ZNF679: variants seen among roughly 807,000 people sequenced by gnomAD.
ZNF679 encodes the protein hypothetical protein MGC42415.
Under a neutral mutation model 13.4 loss-of-function variants are expected in ZNF679, and 10 were observed. That is an observed-to-expected ratio of 0.75 (90% CI 0.46 to 1.27). The LOEUF (loss-of-function observed/expected upper bound fraction) is 1.27. ZNF679 is among the 50% of genes most tolerant of loss of function. ZNF679 has a pLI of 0.00. For missense variants in ZNF679, 525 were observed against 477.8 expected (o/e 1.10, Z -0.92); for synonymous variants, 179 against 162.5 (o/e 1.10, Z -0.77).
chr7:64,248,198 T>C (rs536458705), intron 1 of ZNF679, among the ~76,000 whole-genome samples: 1 of 152,050 alleles, frequency 6.6e-6, no homozygotes, highest in African/African-American at 2.4e-5. Context: ...AGAGCTCCCT[T>C]ACTATCACAA....
Position 64,233,921 on chromosome 7 carries a change from C to T in ZNF679, c.-91+5269C>T, listed in dbSNP as rs187001244. 2.3e-3 allele frequency among the ~76,000 whole-genome samples: 346 copies of T among 152,040 alleles called. 3 individuals are homozygous for T. The highest frequency in any genetic ancestry group is 3.1e-3 in the Non-Finnish European group (211 of 67,976). On this transcript the variant is annotated intron_variant, in intron 1 of 4. Coordinates refer to ENST00000421025, the MANE Select transcript of ZNF679 (RefSeq NM_153363.3). Reference sequence around the variant, plus strand: ...AAGAACGAAGTAAGCCACTGAGAGACGGGACACTGGAAAAGAGAGAAGAAA... The same window carrying T: ...AAGAACGAAGTAAGCCACTGAGAGATGGGACACTGGAAAAGAGAGAAGAAA...
intron 2 of ZNF679, 39 bp from the exon 3 acceptor site, chr7:64,260,182 G>T (rs1304214727): frequency 6.4e-7 from 1 of 1,565,836 alleles, no homozygotes; most frequent in Non-Finnish European, 8.7e-7. Context: ...GTGTTTGTGT[G>T]TTCATGAGTG....
chr7:64,236,927 A>C (rs1187453448), intron 1 of ZNF679, among the ~76,000 whole-genome samples: 1 of 35,382 alleles, frequency 2.8e-5, no homozygotes, highest in African/African-American at 1.7e-4. Flanking sequence ...AGAAAGAAGA[A>C]AGAAAGAAAG....
chr7:64,242,984 G>A (rs570469702), intron 1 of ZNF679, among the ~76,000 whole-genome samples: 73 of 152,242 alleles, frequency 4.8e-4, no homozygotes, highest in Middle Eastern at 6.8e-3. Context: ...ATGAGAGTCA[G>A]GACCTCACCA....
In ZNF679 at chr7:64,266,842, T is replaced by G; in HGVS notation, c.1209T>G (p.Thr403=). The G allele has an allele frequency of 6.3e-7, 1 of 1,587,208 alleles. No homozygotes were observed. The highest frequency in any genetic ancestry group is 1.8e-5 in the Admixed American group (1 of 55,376). The change falls in exon 5 of 5, where the codon ACT becomes ACG. Residue 403 remains threonine (T), a synonymous_variant. Transcript: ENST00000421025. ...TTGCTAATCATAAGAGTATGCATAC[T>G]GGAGAGAAACCCTACAAATGTGAAT... ...SSLANHKSMH[T]GEKPYKCE
At position 64,228,591 on chromosome 7, in the gene ZNF679, C is replaced by T. The variant is rs2116500428; in HGVS notation, c.-152C>T. The stretch of plus-strand genomic sequence containing the variant: ...CCACAATCACACCTGCGGGAAGGAC[C>T]AGGAATAAATTTCACAATTCTACGT... On this transcript the variant is annotated 5_prime_UTR_variant, in exon 1 of 5. Coordinates refer to ENST00000421025, the MANE Select transcript of ZNF679 (RefSeq NM_153363.3). 6.6e-6 allele frequency: 1 copy of T among 152,310 alleles called. No homozygotes were observed. Among genetic ancestry groups the T allele is most frequent in the Middle Eastern group, 3.4e-3 (1 of 294 alleles). 9.4% of individuals were successfully genotyped at this position (152,310 alleles called of 1,614,324 possible).
intron 4 of ZNF679, among the ~76,000 whole-genome samples, chr7:64,263,009 A>G (rs1007124678): frequency 1.3e-5 from 2 of 151,400 alleles, no homozygotes; most frequent in Non-Finnish European, 2.9e-5. Flanking sequence ...ATTTCCATGT[A>G]TTTTTGATTT....
chr7:64,231,667 A>G (rs1987396), intron 1 of ZNF679, among the ~76,000 whole-genome samples: 148,217 of 152,254 alleles, frequency 0.97, 72,197 homozygotes, highest in Non-Finnish European at 0.99. Context: ...CTATAAGTTG[A>G]GCCTAGAAAG....
At chr7:64,240,548 G>A (rs1191537145) in intron 1 of ZNF679, among the ~76,000 whole-genome samples, 1 of 152,190 alleles carries the variant, frequency 6.6e-6, no homozygotes, top group Non-Finnish European at 1.5e-5. Flanking sequence ...AGGTGACATT[G>A]TGACTGTCAT....
intron 2 of ZNF679, among the ~76,000 whole-genome samples, chr7:64,250,142 A>G (rs1012791517): frequency 6.6e-5 from 10 of 151,970 alleles, no homozygotes; most frequent in African/African-American, 2.2e-4. Context: ...GCCCCTGGCC[A>G]TAAGAGATAC....
chr7:64,260,951 G>C, intron 4 of ZNF679, 22 bp downstream of exon 4: 2 of 1,602,938 alleles, frequency 1.2e-6, no homozygotes, highest in Non-Finnish European at 1.7e-6. Context: ...TGGATGAAGC[G>C]GATGACACAG....
At position 64,236,949 on chromosome 7, in the gene ZNF679, GAAAGAAAGAAAGAAAGAAAGAAAGAA is replaced by G. The variant is rs1562840291; in HGVS notation, c.-91+8347_-91+8372del. On this transcript the variant is annotated intron_variant, in intron 1 of 4. Coordinates refer to ENST00000421025, the MANE Select transcript of ZNF679 (RefSeq NM_153363.3). The stretch of plus-strand genomic sequence containing the variant: ...AGAAAGAAAGAAAGAAAGAAAGAAA[GAAAGAAAGAAAGAAAGAAAGAAAGAA>G]AAAGAAAGAAAGAAAGAAAGAAAGA... Among the ~76,000 whole-genome samples the G allele has an allele frequency of 1.0e-4, 9 of 88,846 alleles. 1 individual carries two copies. The highest frequency in any genetic ancestry group is 4.8e-4 in the African/African-American group (8 of 16,636). The allele number at this position is 88,846 out of a possible 152,430, so 58.3% of individuals were successfully genotyped here.
At chr7:64,258,386 T>TC (rs1208553027) in intron 2 of ZNF679, among the ~76,000 whole-genome samples, 1 of 152,086 alleles carries the variant, frequency 6.6e-6, no homozygotes, top group Non-Finnish European at 1.5e-5. Flanking sequence ...TCACTTTTTC[T>TC]TGGTGAGCAT....
At chr7:64,252,204 T>C (rs1248872787) in intron 2 of ZNF679, among the ~76,000 whole-genome samples, 1 of 152,176 alleles carries the variant, frequency 6.6e-6, no homozygotes, top group South Asian at 2.1e-4. Flanking sequence ...AATGATTAGA[T>C]AGTTTGACTT....
chr7:64,228,893 C>T (rs6969216), intron 1 of ZNF679, among the ~76,000 whole-genome samples: 96,732 of 148,622 alleles, frequency 0.65, 30,834 homozygotes, highest in East Asian at 0.77. Context: ...GAGCTGTGTC[C>T]ATATGGGAGA....
intron 2 of ZNF679, among the ~76,000 whole-genome samples, chr7:64,249,684 T>A (rs777899276): frequency 6.6e-5 from 10 of 152,204 alleles, no homozygotes; most frequent in Non-Finnish European, 8.8e-5. Flanking sequence ...AGTTGCATGA[T>A]GAAGCAAACC....
intron 1 of ZNF679, among the ~76,000 whole-genome samples, chr7:64,237,357 G>A (rs1195037676): frequency 1.3e-5 from 2 of 152,208 alleles, no homozygotes; most frequent in Non-Finnish European, 2.9e-5. Context: ...GGGTGTGAGT[G>A]TGCAGGAATC....
chr7:64,263,090 C>T (rs1788099523), intron 4 of ZNF679, among the ~76,000 whole-genome samples: 1 of 151,896 alleles, frequency 6.6e-6, no homozygotes, highest in Non-Finnish European at 1.5e-5. Flanking sequence ...TGATTTTGCT[C>T]TTCTTAAATT....
chr7:64,237,527 TCA>T (rs1444203649), intron 1 of ZNF679, among the ~76,000 whole-genome samples: 4 of 152,160 alleles, frequency 2.6e-5, no homozygotes, highest in Non-Finnish European at 2.9e-5. Flanking sequence ...CCCAAAAGAC[TCA>T]CAGTCTCCCT....
Sources: gnomAD v4.1 joint callset for allele counts (sites outside exome capture counted in the v4.1 genomes callset) on GRCh38, gnomAD v4.1.1 for gene constraint, MANE v1.5 for transcripts, NCBI Gene and HGNC (gene_info 2026-07-23, HGNC 2026-07-21) for gene names.